Variants in NACC2 observed in about 807,000 individuals in gnomAD.
NACC2 encodes the protein NACC family member 2.
Under a neutral mutation model 25.1 loss-of-function variants are expected in NACC2, and 8 were observed. The ratio of observed to expected loss-of-function variants is 0.32; its 90% CI spans 0.19 to 0.57. The LOEUF is 0.57. NACC2 is among the 20% of genes least tolerant of loss of function. The probability of loss-of-function intolerance (pLI) is 0.89; values close to 1 mark genes in which losing one functional copy is unlikely to be tolerated. For synonymous variants in NACC2, 435 were observed against 294.7 expected (o/e 1.48, Z -4.88); for missense variants, 644 against 650.2 (o/e 0.99, Z 0.10).
chr9:136,054,332 C>T (rs1239751339), intron 1 of NACC2, among the ~76,000 whole-genome samples: 4 of 152,172 alleles, frequency 2.6e-5, no homozygotes, highest in African/African-American at 4.8e-5. Context: ...CCCTGGGGAT[C>T]GAGGACAACT....
intron 2 of NACC2, among the ~76,000 whole-genome samples, chr9:136,024,563 G>A (rs2131142542): frequency 6.6e-6 from 1 of 151,436 alleles, no homozygotes; most frequent in South Asian, 2.1e-4. Flanking sequence ...GTGTGTGTAA[G>A]GACAGAGTGT....
At chr9:136,044,833 C>A (rs1015341335) in intron 2 of NACC2, among the ~76,000 whole-genome samples, 3 of 152,176 alleles carry the variant, frequency 2.0e-5, no homozygotes, top group Non-Finnish European at 2.9e-5. Context: ...GCAACGGAGA[C>A]CACCCTAGCC....
In NACC2 at chr9:136,050,438, G is replaced by C. The variant is rs1159431095; in HGVS notation, c.84C>G (p.Leu28=). The change falls in exon 2 of 6, where the codon CTC becomes CTG. Residue 28 remains leucine (L), a synonymous_variant. Coordinates refer to ENST00000277554, the MANE Select transcript of NACC2 (RefSeq NM_144653.5). ...TGACCACGATGGACACATCGCAGTA[G>C]AGGCCCAGCAGGCGCTGCTCGTTCA... is the stretch of plus-strand genomic sequence containing the variant. ...GCLNEQRLLG[L]YCDVSIVVKG... 1.3e-6 allele frequency: 1 copy of C among 766,986 alleles called. No individual in the cohort carries two copies. Among genetic ancestry groups the C allele is most frequent in the South Asian group, 1.3e-5 (1 of 74,300 alleles). 47.5% of individuals were successfully genotyped at this position (766,986 alleles called of 1,614,324 possible). A position where few individuals can be genotyped will look rare whatever the true frequency, so the allele number is the denominator to read the frequency against.
In NACC2 at chr9:136,087,917, A is replaced by C. The variant is rs142351213; in HGVS notation, c.-60+7272T>G. On this transcript the variant is annotated intron_variant, in intron 1 of 5. Coordinates refer to ENST00000277554, the MANE Select transcript of NACC2 (RefSeq NM_144653.5). The stretch of plus-strand genomic sequence containing the variant: ...TGCCCAAGGCCGGCCGTGGCCCAGG[A>C]AGGCCCAGTTTCCCACCCCGGGGAC... 9.5e-3 allele frequency among the ~76,000 whole-genome samples: 1,441 copies of C among 152,126 alleles called. 19 individuals are homozygous for C. The highest frequency in any genetic ancestry group is 0.032 in the African/African-American group (1,340 of 41,478).
At chr9:136,083,639 C>T (rs1830348582) in intron 1 of NACC2, among the ~76,000 whole-genome samples, 1 of 152,168 alleles carries the variant, frequency 6.6e-6, no homozygotes, top group Non-Finnish European at 1.5e-5. Flanking sequence ...CGGGCATGAG[C>T]CCAGGGCACC....
At chr9:136,038,615 T>C (rs1840587841) in intron 2 of NACC2, among the ~76,000 whole-genome samples, 2 of 152,200 alleles carry the variant, frequency 1.3e-5, no homozygotes, top group Admixed American at 1.3e-4. Context: ...ATATGTAAAA[T>C]TTAAAAGTTA....
At chr9:136,070,930 T>C (rs1436669552) in intron 1 of NACC2, among the ~76,000 whole-genome samples, 3 of 151,618 alleles carry the variant, frequency 2.0e-5, no homozygotes, top group Non-Finnish European at 4.4e-5. Context: ...AACGTGGAAA[T>C]AGTAAGAACA....
intron 2 of NACC2, among the ~76,000 whole-genome samples, chr9:136,034,248 T>G (rs1840519445): frequency 1.3e-5 from 2 of 152,086 alleles, no homozygotes; most frequent in Non-Finnish European, 1.5e-5. Flanking sequence ...CGGGAACAAG[T>G]GAATTTTGAG....
intron 2 of NACC2, among the ~76,000 whole-genome samples, chr9:136,043,000 T>C (rs1378603061): frequency 2.7e-5 from 4 of 148,076 alleles, no homozygotes; most frequent in Non-Finnish European, 5.9e-5. Context: ...AGACACAGTG[T>C]TGCCCCATCC....
intron 1 of NACC2, among the ~76,000 whole-genome samples, chr9:136,070,377 G>A (rs1841135670): frequency 6.6e-6 from 1 of 151,722 alleles, no homozygotes; most frequent in Non-Finnish European, 1.5e-5. Flanking sequence ...GCGTGGTGGT[G>A]GGCGCCTATA....
intron 1 of NACC2, among the ~76,000 whole-genome samples, chr9:136,051,033 A>AGGAGGGAG (rs1004306406): frequency 3.3e-5 from 5 of 152,146 alleles, no homozygotes; most frequent in African/African-American, 9.6e-5. Flanking sequence ...GCAGCGGGGA[A>AGGAGGGAG]GGAGGGAGGG....
intron 1 of NACC2, among the ~76,000 whole-genome samples, chr9:136,062,918 A>G (rs1397343134): frequency 6.6e-6 from 1 of 152,204 alleles, no homozygotes; most frequent in Non-Finnish European, 1.5e-5. Context: ...CCCTGTCTCT[A>G]AATAAGTAAA....
At position 136,007,320 on chromosome 9, in the gene NACC2, T is replaced by C. The variant is rs1840028613; in HGVS notation, c.*4196A>G. ...GAACCATCTTGTACCAAACCCTAAA[T>C]GCTCCGGTGGTGACGTGCACGCGCG... On this transcript the variant is annotated 3_prime_UTR_variant, in exon 6 of 6. Transcript: ENST00000277554. The C allele has an allele frequency of 6.5e-6, 1 of 153,938 alleles. No individual in the cohort carries two copies. Among genetic ancestry groups the C allele is most frequent in the Non-Finnish European group, 1.5e-5 (1 of 67,856 alleles). The allele number at this position is 153,938 out of a possible 1,614,324, so 9.5% of individuals were successfully genotyped here. A position where few individuals can be genotyped will look rare whatever the true frequency, so the allele number is the denominator to read the frequency against.
chr9:136,011,180 G>C lies in NACC2; in HGVS notation c.*336C>G, dbSNP rs1840099876. Reference sequence around the variant, plus strand: ...CCGGGCAGGAGGAGCAGGAAGGGCAGGGAGGAAGGGGCAGGGCTGGGCACC... The same window carrying C: ...CCGGGCAGGAGGAGCAGGAAGGGCACGGAGGAAGGGGCAGGGCTGGGCACC... On this transcript the variant is annotated 3_prime_UTR_variant, in exon 6 of 6. Coordinates refer to ENST00000277554, the MANE Select transcript of NACC2 (RefSeq NM_144653.5). 1 of 188,866 alleles carries C rather than the reference G, an allele frequency of 5.3e-6. No individual in the cohort carries two copies. Among genetic ancestry groups the C allele is most frequent in the African/African-American group, 2.3e-5 (1 of 42,896 alleles). The allele number at this position is 188,866 out of a possible 1,614,324, so 11.7% of individuals were successfully genotyped here.
chr9:136,070,010 G>A (rs543746854), intron 1 of NACC2, among the ~76,000 whole-genome samples: 24 of 151,970 alleles, frequency 1.6e-4, no homozygotes, highest in Admixed American at 3.3e-4. Flanking sequence ...TTCTTTTCAC[G>A]TGCCTGTGGA....
chr9:136,012,038 G>T lies in NACC2; in HGVS notation c.1256-14C>A. ...TCTGACAGTACACTGTGAGGACGGG[G>T]CGGCGTGAGCTCAGCCACCTGCCTG... is the stretch of plus-strand genomic sequence containing the variant. On this transcript the variant is annotated splice_polypyrimidine_tract_variant and intron_variant, in intron 5 of 5. Transcript: ENST00000277554. The T allele has an allele frequency of 1.3e-6, 2 of 1,520,098 alleles. No homozygotes were observed. The highest frequency in any genetic ancestry group is 1.3e-5 in the South Asian group (1 of 79,080). 94.2% of individuals were successfully genotyped at this position (1,520,098 alleles called of 1,614,324 possible).
At chr9:136,050,687 G>C (rs1210132774) in intron 1 of NACC2, 107 bp from the exon 2 acceptor site, 6 of 634,934 alleles carry the variant, frequency 9.4e-6, no homozygotes, top group Non-Finnish European at 1.7e-5. Flanking sequence ...CAAAGAGCGA[G>C]CCTTCCGCAC....
At chr9:136,038,958 A>T (rs971478958) in intron 2 of NACC2, among the ~76,000 whole-genome samples, 1 of 152,232 alleles carries the variant, frequency 6.6e-6, no homozygotes, top group African/African-American at 2.4e-5. Flanking sequence ...AAATAGCAAG[A>T]TGGTAGACGT....
At chr9:136,023,044 GGGAAGGAGGGAGGAAGGAGGGAA>G (rs1840316235) in intron 2 of NACC2, among the ~76,000 whole-genome samples, 2 of 88,538 alleles carry the variant, frequency 2.3e-5, no homozygotes, top group Admixed American at 1.4e-4. Context: ...GAAGGAGGGA[GGGAAGGAGGGAGGAAGGAGGGAA>G]GAGGGAGGGA....
Sources: allele counts gnomAD v4.1 joint callset (sites outside exome capture counted in the v4.1 genomes callset), GRCh38; gene constraint gnomAD v4.1.1; transcripts MANE v1.5; gene names NCBI Gene and HGNC (gene_info 2026-07-23, HGNC 2026-07-21).